Variants in CSGALNACT1 observed in about 807,000 individuals in gnomAD.
The protein encoded by CSGALNACT1 is beta4GalNAcT-1.
A neutral mutation model predicts 51.0 loss-of-function variants in CSGALNACT1; 52 were observed. That is an observed-to-expected ratio of 1.02 (90% CI 0.82 to 1.29). The LOEUF (loss-of-function observed/expected upper bound fraction) is 1.29. CSGALNACT1 is among the 50% of genes most tolerant of loss of function. The pLI, the probability that CSGALNACT1 is intolerant of heterozygous loss-of-function variation, is 0.00. For synonymous variants in CSGALNACT1, 341 were observed against 254.4 expected (o/e 1.34, Z -3.24); for missense variants, 935 against 679.2 (o/e 1.38, Z -4.19).
intron 1 of CSGALNACT1, among the ~76,000 whole-genome samples, chr8:19,642,487 G>A (rs1451451254): frequency 6.6e-6 from 1 of 152,106 alleles, no homozygotes; most frequent in Non-Finnish European, 1.5e-5. Context: ...AGGCTATGGG[G>A]AAGCTGAGAG....
chr8:19,578,910 T>C (rs2044910596), intron 3 of CSGALNACT1, among the ~76,000 whole-genome samples: 1 of 152,152 alleles, frequency 6.6e-6, no homozygotes, highest in African/African-American at 2.4e-5. Context: ...TACATCATAC[T>C]TTCTCTTGGA....
intron 5 of CSGALNACT1, among the ~76,000 whole-genome samples, chr8:19,447,768 T>C (rs1241045284): frequency 6.6e-6 from 1 of 152,184 alleles, no homozygotes; most frequent in Admixed American, 6.5e-5. Context: ...AGTGTGGTTG[T>C]CAAAGTGATG....
intron 3 of CSGALNACT1, among the ~76,000 whole-genome samples, chr8:19,539,186 G>T (rs2084484109): frequency 6.6e-6 from 1 of 151,854 alleles, no homozygotes; most frequent in South Asian, 2.1e-4. Flanking sequence ...TGGGTTGTGT[G>T]TGTGTGTGGT....
chr8:19,611,191 T>C (rs953333359), intron 1 of CSGALNACT1, among the ~76,000 whole-genome samples: 1 of 152,208 alleles, frequency 6.6e-6, no homozygotes, highest in Non-Finnish European at 1.5e-5. Context: ...CAGAGGCAGA[T>C]TTCAGGATCA....
upstream of CSGALNACT1, chr8:19,682,672 T>C (rs1047551237): frequency 8.8e-6 from 4 of 453,974 alleles, no homozygotes; most frequent in Non-Finnish European, 1.8e-5. Flanking sequence ...AGGAAGCCAT[T>C]GACACAAGTC....
intron 3 of CSGALNACT1, among the ~76,000 whole-genome samples, chr8:19,537,961 C>A (rs973526740): frequency 6.6e-6 from 1 of 152,108 alleles, no homozygotes; most frequent in African/African-American, 2.4e-5. Flanking sequence ...AAGCTATGGA[C>A]TGGGGAAAAT....
intron 1 of CSGALNACT1, among the ~76,000 whole-genome samples, chr8:19,706,813 G>C (rs550518750): frequency 6.6e-6 from 1 of 152,064 alleles, no homozygotes; most frequent in East Asian, 1.9e-4. Context: ...CTTTTGTAGA[G>C]ACAGGATCTT....
intron 4 of CSGALNACT1, among the ~76,000 whole-genome samples, chr8:19,497,088 C>T (rs368540386): frequency 2.2e-4 from 34 of 152,210 alleles, no homozygotes; most frequent in African/African-American, 7.9e-4. Flanking sequence ...CTGAGGAAGG[C>T]GGAGTGGGGA....
intron 1 of CSGALNACT1, among the ~76,000 whole-genome samples, chr8:19,634,551 A>C (rs1476039397): frequency 6.6e-6 from 1 of 152,170 alleles, no homozygotes; most frequent in African/African-American, 2.4e-5. Flanking sequence ...AGTCCCAGCT[A>C]CTCAGGAGGC....
rs553513187 is a variant in CSGALNACT1, at chr8:19,581,539, G to A, written c.-297+9621C>T. The stretch of plus-strand genomic sequence containing the variant: ...GGAGAATCGCTTGAACCAGGGAGTC[G>A]GAGGTTGCAGTGAGCCGAGATCGTG... On this transcript the variant is annotated intron_variant, in intron 3 of 9. Transcript: ENST00000454498. Among the ~76,000 whole-genome samples the A allele has an allele frequency of 3.9e-5, 6 of 152,228 alleles. No individual in the cohort carries two copies. The South Asian group carries it at 6.2e-4, about 16-fold the overall frequency.
chr8:19,491,764 ATG>A (rs1334283744), intron 4 of CSGALNACT1, among the ~76,000 whole-genome samples: 1 of 152,198 alleles, frequency 6.6e-6, no homozygotes, highest in Non-Finnish European at 1.5e-5. Context: ...TTAGCATTTC[ATG>A]TGTGTTTCGA....
At chr8:19,420,764 G>A (rs1427869957) in intron 6 of CSGALNACT1, among the ~76,000 whole-genome samples, 4 of 152,062 alleles carry the variant, frequency 2.6e-5, no homozygotes, top group Non-Finnish European at 1.5e-5. Context: ...CAGTTTCCCC[G>A]TATTGAAAAC....
At chr8:19,470,010 G>A (rs978944054) in intron 4 of CSGALNACT1, among the ~76,000 whole-genome samples, 1 of 152,150 alleles carries the variant, frequency 6.6e-6, no homozygotes. Flanking sequence ...TTACCGAGTT[G>A]ACAGAATGTT....
intron 3 of CSGALNACT1, among the ~76,000 whole-genome samples, chr8:19,556,920 C>T (rs577402624): frequency 4.1e-4 from 61 of 149,372 alleles, no homozygotes; most frequent in Middle Eastern, 3.5e-3. Flanking sequence ...CACCTGTAGG[C>T]AGGTGTGCTA....
intron 1 of CSGALNACT1, among the ~76,000 whole-genome samples, chr8:19,639,891 G>GT (rs1300684365): frequency 1.3e-5 from 2 of 151,740 alleles, no homozygotes; most frequent in Admixed American, 6.6e-5. Flanking sequence ...GTTTTTGTTT[G>GT]TTTTTTTAAT....
intron 3 of CSGALNACT1, among the ~76,000 whole-genome samples, chr8:19,526,200 A>G (rs1434953658): frequency 1.3e-5 from 2 of 152,196 alleles, no homozygotes; most frequent in African/African-American, 4.8e-5. Context: ...TGGGATTGGG[A>G]GGCAGGAGCC....
intron 1 of CSGALNACT1, among the ~76,000 whole-genome samples, chr8:19,651,389 T>TG: frequency 6.6e-6 from 1 of 152,172 alleles, no homozygotes; most frequent in African/African-American, 2.4e-5. Flanking sequence ...TCGCACCCAA[T>TG]AGTTTTTTTA....
chr8:19,753,712 G>A (rs74477856), intron 1 of CSGALNACT1, among the ~76,000 whole-genome samples: 32,312 of 151,988 alleles, frequency 0.21, 3,528 homozygotes, highest in African/African-American at 0.24. Context: ...TTTGTCACTC[G>A]AATTAAGTTT....
chr8:19,526,439 T>A (rs367734943), intron 3 of CSGALNACT1, among the ~76,000 whole-genome samples: 3 of 152,024 alleles, frequency 2.0e-5, no homozygotes, highest in African/African-American at 7.2e-5. Flanking sequence ...AAAAATTAGC[T>A]GGGCATGGTG....
Sources: gnomAD v4.1 joint callset for allele counts (sites outside exome capture counted in the v4.1 genomes callset) on GRCh38, gnomAD v4.1.1 for gene constraint, MANE v1.5 for transcripts, NCBI Gene and HGNC (gene_info 2026-07-23, HGNC 2026-07-21) for gene names.